Variants in CCDC102B observed in about 807,000 individuals in gnomAD.
CCDC102B encodes coiled-coil domain containing 102B, also known as coiled-coil domain-containing protein 102B.
In CCDC102B, 75 loss-of-function variants were observed where a neutral mutation model predicts 57.4. The observed-to-expected ratio is 1.31, with a 90% confidence interval of 1.08 to 1.58. The LOEUF (loss-of-function observed/expected upper bound fraction) is 1.58. CCDC102B is among the 40% of genes most tolerant of loss of function. CCDC102B has a pLI of 0.00. For missense variants in CCDC102B, 636 were observed against 582.6 expected (o/e 1.09, Z -0.94); for synonymous variants, 206 against 201.9 (o/e 1.02, Z -0.17).
intron 6 of CCDC102B, among the ~76,000 whole-genome samples, chr18:68,972,206 C>T (rs1207271229): frequency 1.3e-5 from 2 of 152,160 alleles, no homozygotes; most frequent in African/African-American, 4.8e-5. Context: ...GTCCTTGCTT[C>T]CTGTTTCCAC....
intron 6 of CCDC102B, among the ~76,000 whole-genome samples, chr18:68,922,336 G>A (rs2041311231): frequency 6.6e-6 from 1 of 152,102 alleles, no homozygotes; most frequent in Non-Finnish European, 1.5e-5. Context: ...CTGTCTCAGA[G>A]GGGACACAGG....
At chr18:68,814,969 A>G (rs188224125) in intron 1 of CCDC102B, among the ~76,000 whole-genome samples, 1 of 152,280 alleles carries the variant, frequency 6.6e-6, no homozygotes, top group Non-Finnish European at 1.5e-5. Flanking sequence ...AGTATTTGCC[A>G]GTAAAAATTA....
At chr18:68,985,463 T>C (rs2145306661) in intron 6 of CCDC102B, among the ~76,000 whole-genome samples, 1 of 152,270 alleles carries the variant, frequency 6.6e-6, no homozygotes, top group South Asian at 2.1e-4. Context: ...GGGTATTTAA[T>C]AGATGCAATT....
intron 7 of CCDC102B, among the ~76,000 whole-genome samples, chr18:69,014,188 G>C (rs965277260): frequency 1.3e-5 from 2 of 152,156 alleles, no homozygotes; most frequent in Non-Finnish European, 1.5e-5. Flanking sequence ...TATTATATTG[G>C]TAAGTGAGCT....
At chr18:68,934,629 T>C (rs776147425) in intron 6 of CCDC102B, among the ~76,000 whole-genome samples, 3 of 151,976 alleles carry the variant, frequency 2.0e-5, no homozygotes, top group African/African-American at 4.8e-5. Flanking sequence ...AGATAAAATA[T>C]TCAGTAATTA....
intron 2 of CCDC102B, among the ~76,000 whole-genome samples, chr18:68,765,641 A>G (rs1454467091): frequency 2.0e-5 from 3 of 152,196 alleles, no homozygotes; most frequent in Non-Finnish European, 4.4e-5. Flanking sequence ...ACCATTATAT[A>G]CATCAGTAAC....
At chr18:68,802,157 C>T (rs1208001631) in intron 1 of CCDC102B, among the ~76,000 whole-genome samples, 1 of 152,066 alleles carries the variant, frequency 6.6e-6, no homozygotes, top group Non-Finnish European at 1.5e-5. Flanking sequence ...TAATTTGGAG[C>T]TAGAATAATC....
upstream of CCDC102B, among the ~76,000 whole-genome samples, chr18:68,797,680 G>A (rs183185664): frequency 5.7e-4 from 85 of 150,094 alleles, 1 homozygote; most frequent in Middle Eastern, 0.011. Flanking sequence ...AATCAGATTG[G>A]ATGAATATTT....
chr18:68,965,008 A>G (rs2050134048), intron 6 of CCDC102B, among the ~76,000 whole-genome samples: 1 of 151,734 alleles, frequency 6.6e-6, no homozygotes, highest in African/African-American at 2.4e-5. Flanking sequence ...TGCTTAAAAG[A>G]TTTTTGTCTT....
intron 6 of CCDC102B, among the ~76,000 whole-genome samples, chr18:68,925,840 A>G (rs1026839481): frequency 6.6e-6 from 1 of 152,032 alleles, no homozygotes; most frequent in African/African-American, 2.4e-5. Flanking sequence ...ATTAACACCA[A>G]TACAATAGAC....
Position 68,837,293 on chromosome 18 carries a change from G to T in CCDC102B, c.530G>T (p.Ser177Ile). ...GAACATACAGACCAATTTCAATTGA[G>T]TTCACAAATGCATGAGTCTATCAGA... ...SCEHTDQFQL[S>I]SQMHESIREY... The change falls in exon 2 of 8, where the codon AGT (serine) becomes ATT (isoleucine). Residue 177 changes from serine (S) to isoleucine (I), a missense_variant. By Grantham distance (142) the Ser-to-Ile change is moderately radical. Transcript: ENST00000360242. 1 of 1,614,058 alleles carries T rather than the reference G, an allele frequency of 6.2e-7. No individual in the cohort carries two copies. Among genetic ancestry groups the T allele is most frequent in the East Asian group, 2.2e-5 (1 of 44,878 alleles).
intron 2 of CCDC102B, among the ~76,000 whole-genome samples, chr18:68,742,146 A>G (rs1198918185): frequency 6.6e-6 from 1 of 152,142 alleles, no homozygotes; most frequent in East Asian, 1.9e-4. Flanking sequence ...TCCCGGGATG[A>G]TTCCTCCTGG....
At chr18:69,036,422 C>T (rs2052293578) in intron 7 of CCDC102B, among the ~76,000 whole-genome samples, 1 of 151,964 alleles carries the variant, frequency 6.6e-6, no homozygotes, top group Non-Finnish European at 1.5e-5. Context: ...GGGGCCTTAC[C>T]AGAGTAGCAA....
At chr18:68,898,309 G>A (rs1429659309) in intron 6 of CCDC102B, among the ~76,000 whole-genome samples, 1 of 151,974 alleles carries the variant, frequency 6.6e-6, no homozygotes, top group East Asian at 1.9e-4. Context: ...AAACCTAAAT[G>A]GCCAGAAAAA....
At chr18:68,963,519 G>A (rs2050095278) in intron 6 of CCDC102B, among the ~76,000 whole-genome samples, 1 of 151,774 alleles carries the variant, frequency 6.6e-6, no homozygotes, top group East Asian at 1.9e-4. Flanking sequence ...ATTACCCCGT[G>A]TTAATTAAAC....
At chr18:68,991,632 TG>T (rs2050870158) in intron 6 of CCDC102B, among the ~76,000 whole-genome samples, 1 of 152,224 alleles carries the variant, frequency 6.6e-6, no homozygotes, top group African/African-American at 2.4e-5. Flanking sequence ...ACTTAATATT[TG>T]CAAGCTCTCT....
intron 1 of CCDC102B, among the ~76,000 whole-genome samples, chr18:68,827,863 G>A (rs1350259029): frequency 6.6e-6 from 1 of 151,842 alleles, no homozygotes; most frequent in Non-Finnish European, 1.5e-5. Flanking sequence ...ATGGAAAAAA[G>A]TAACTTGGAA....
At chr18:68,984,564 A>G (rs778599369) in intron 6 of CCDC102B, among the ~76,000 whole-genome samples, 5 of 152,150 alleles carry the variant, frequency 3.3e-5, no homozygotes, top group Non-Finnish European at 5.9e-5. Context: ...CATTGAATTC[A>G]TTACTAGCTC....
At chr18:69,033,713 T>C (rs1315575775) in intron 7 of CCDC102B, among the ~76,000 whole-genome samples, 4 of 152,084 alleles carry the variant, frequency 2.6e-5, no homozygotes, top group East Asian at 3.9e-4. Flanking sequence ...TGTTTTTTTT[T>C]CCCTTGGGAT....
Sources: gnomAD v4.1 joint callset for allele counts (sites outside exome capture counted in the v4.1 genomes callset) on GRCh38, gnomAD v4.1.1 for gene constraint, MANE v1.5 for transcripts, NCBI Gene and HGNC (gene_info 2026-07-23, HGNC 2026-07-21) for gene names.